ANTXR1: variants seen among roughly 807,000 people sequenced by gnomAD.
The protein encoded by ANTXR1 is anthrax toxin receptor 1.
ANTXR1 carries 19 observed loss-of-function variants against 78.1 expected under a neutral mutation model. The observed-to-expected ratio is 0.24, with a 90% CI of 0.17 to 0.36. The LOEUF (loss-of-function observed/expected upper bound fraction) is 0.36. Among genes scored for constraint, ANTXR1 ranks in the 10% least tolerant of loss-of-function variants. The pLI is 1.00. For synonymous variants in ANTXR1, 273 were observed against 260.5 expected, an observed-to-expected ratio of 1.05 and a Z score of -0.46; for missense variants, 518 against 718.6, an observed-to-expected ratio of 0.72 and a Z score of 3.19.
chr2:69,117,723 G>T (rs1672196446), intron 10 of ANTXR1, among the ~76,000 whole-genome samples: 1 of 152,176 alleles, frequency 6.6e-6, no homozygotes, highest in African/African-American at 2.4e-5. Flanking sequence ...ATGCTCAAGT[G>T]CTAAGTATCA....
At chr2:69,196,835 T>A (rs1046172540) in intron 17 of ANTXR1, among the ~76,000 whole-genome samples, 12 of 152,166 alleles carry the variant, frequency 7.9e-5, no homozygotes, top group Admixed American at 6.5e-4. Context: ...ACCTGGCAAA[T>A]TTTCCTCCTT....
rs372701153 is a variant in ANTXR1, at chr2:69,245,410, T to A, written c.1620T>A (p.Leu540=). 6.0e-5 allele frequency: 79 copies of A among 1,325,066 alleles called. No individual in the cohort carries two copies. The Middle Eastern group carries it at 7.3e-4, about 12-fold the overall frequency. 82.1% of individuals were successfully genotyped at this position (1,325,066 alleles called of 1,614,324 possible). A position where few individuals can be genotyped will look rare whatever the true frequency, so the allele number is the denominator to read the frequency against. Residue 540 remains leucine (L), a synonymous_variant, in exon 18 of 18, where the codon CTT becomes CTA. Transcript: ENST00000303714. ...CCATCCCGTCCCCACCTTCCACCCTTCCCCCTCCTCCCCAGGCTCCACCTC... is the reference window on the plus strand; with the variant it reads ...CCATCCCGTCCCCACCTTCCACCCTACCCCCTCCTCCCCAGGCTCCACCTC... ...TPPIPSPPST[L]PPPPQAPPPN... is the part of the protein sequence containing the mutation.
intron 12 of ANTXR1, among the ~76,000 whole-genome samples, chr2:69,150,433 T>G (rs1673360635): frequency 6.6e-6 from 1 of 152,206 alleles, no homozygotes; most frequent in South Asian, 2.1e-4. Flanking sequence ...TAAGAATCCC[T>G]GGGCCCAGTG....
At chr2:69,023,081 CA>C (rs1350673871) in intron 1 of ANTXR1, among the ~76,000 whole-genome samples, 1 of 152,224 alleles carries the variant, frequency 6.6e-6, no homozygotes, top group Non-Finnish European at 1.5e-5. Flanking sequence ...CAGGCATCTG[CA>C]GCTTTAAATA....
intron 12 of ANTXR1, among the ~76,000 whole-genome samples, chr2:69,133,310 T>A (rs1672812142): frequency 6.6e-6 from 1 of 152,184 alleles, no homozygotes; most frequent in Non-Finnish European, 1.5e-5. Context: ...GAGAACAGAA[T>A]CAGGACTCAC....
At chr2:69,182,396 A>G (rs967804690) in intron 15 of ANTXR1, 97 bp from the exon 16 acceptor site, 1 of 1,411,266 alleles carries the variant, frequency 7.1e-7, no homozygotes, top group African/African-American at 1.4e-5. Flanking sequence ...AGGGTTGGGT[A>G]GCATTCACAT....
intron 17 of ANTXR1, among the ~76,000 whole-genome samples, chr2:69,238,200 G>A (rs1487796764): frequency 6.6e-6 from 1 of 152,184 alleles, no homozygotes; most frequent in Non-Finnish European, 1.5e-5. Flanking sequence ...GATTGGTCTA[G>A]CTCAGCATAG....
intron 17 of ANTXR1, among the ~76,000 whole-genome samples, chr2:69,235,482 T>G (rs985247678): frequency 1.3e-5 from 2 of 151,792 alleles, no homozygotes; most frequent in African/African-American, 4.8e-5. Context: ...AAACCCTGTC[T>G]CTACCAAATA....
chr2:69,040,795 G>A (rs184079309), intron 2 of ANTXR1, among the ~76,000 whole-genome samples: 2 of 152,312 alleles, frequency 1.3e-5, no homozygotes, highest in Admixed American at 1.3e-4. Context: ...TAGAGTGCTT[G>A]AAGCAAGTTG....
chr2:69,196,172 T>A (rs1274957329), intron 17 of ANTXR1, among the ~76,000 whole-genome samples: 4 of 152,248 alleles, frequency 2.6e-5, no homozygotes, highest in Admixed American at 2.6e-4. Context: ...GCTGAAGATG[T>A]TCCATCTGTT....
intron 10 of ANTXR1, among the ~76,000 whole-genome samples, chr2:69,112,606 G>A (rs1283881160): frequency 6.6e-6 from 1 of 152,222 alleles, no homozygotes; most frequent in Non-Finnish European, 1.5e-5. Context: ...AAGATCAAGA[G>A]AAAAAGCCCC....
rs564092315 is a variant in ANTXR1 at position 69,231,727 on chromosome 2, G to A, written c.1435-13498G>A. Among the ~76,000 whole-genome samples, 143 of 152,168 alleles carry A rather than the reference G, an allele frequency of 9.4e-4. 1 individual carries two copies. Among genetic ancestry groups the A allele is most frequent in the South Asian group, 3.7e-3 (18 of 4,812 alleles). On this transcript the variant is annotated intron_variant, in intron 17 of 17. Coordinates refer to ENST00000303714, the MANE Select transcript of ANTXR1 (RefSeq NM_032208.3). Reference sequence around the variant, plus strand: ...AGAGGGCTTCTTCACTCCTTTGACCGCCTTCATTGTACCTCAACAGGCCTC... The same window carrying A: ...AGAGGGCTTCTTCACTCCTTTGACCACCTTCATTGTACCTCAACAGGCCTC...
Position 69,122,999 on chromosome 2 carries a change from G to T in ANTXR1, c.803-18G>T, listed in dbSNP as rs763591167. The T allele has an allele frequency of 8.1e-6, 13 of 1,612,838 alleles. No homozygotes were observed. The highest frequency in any genetic ancestry group is 1.0e-5 in the Non-Finnish European group (12 of 1,178,948). ...AACTCACCTCCCTCTTCTTAATCCAGTGATTTCCTTTTTGCAGATGAGAAG... is the reference window on the plus strand; with the variant it reads ...AACTCACCTCCCTCTTCTTAATCCATTGATTTCCTTTTTGCAGATGAGAAG... On this transcript the variant is annotated intron_variant, in intron 10 of 17. Transcript: ENST00000303714.
At chr2:69,021,873 C>A (rs1309739889) in intron 1 of ANTXR1, among the ~76,000 whole-genome samples, 1 of 152,200 alleles carries the variant, frequency 6.6e-6, no homozygotes, top group Non-Finnish European at 1.5e-5. Flanking sequence ...CAGCATTCAT[C>A]AACCTAGAAT....
chr2:69,077,594 A>G lies in ANTXR1; in HGVS notation c.642+106A>G, dbSNP rs940326357. 1.4e-5 allele frequency: 16 copies of G among 1,182,110 alleles called. No individual in the cohort carries two copies. In the African/African-American group the frequency reaches 2.4e-4, roughly 18 times the overall value. 73.2% of individuals were successfully genotyped at this position (1,182,110 alleles called of 1,614,324 possible). Reference sequence around the variant, plus strand: ...CTCAAAGCCTGGTGTTTTTCTGCTTAAGAGAACATCATTTCTTCCTATATC... The same window carrying G: ...CTCAAAGCCTGGTGTTTTTCTGCTTGAGAGAACATCATTTCTTCCTATATC... On this transcript the variant is annotated intron_variant, in intron 8 of 17. Coordinates refer to ENST00000303714, the MANE Select transcript of ANTXR1 (RefSeq NM_032208.3).
At chr2:69,149,685 A>G (rs1442047789) in intron 12 of ANTXR1, among the ~76,000 whole-genome samples, 1 of 152,222 alleles carries the variant, frequency 6.6e-6, no homozygotes, top group African/African-American at 2.4e-5. Context: ...CTGGAGAACT[A>G]GAGGGAGAGC....
intron 11 of ANTXR1, among the ~76,000 whole-genome samples, chr2:69,123,625 A>G (rs1460892139): frequency 6.6e-6 from 1 of 152,212 alleles, no homozygotes; most frequent in Non-Finnish European, 1.5e-5. Context: ...GACTCTGCGC[A>G]GCATCGGATG....
Position 69,226,287 on chromosome 2 carries a change from A to G in ANTXR1, c.1435-18938A>G, listed in dbSNP as rs147167840. On this transcript the variant is annotated intron_variant, in intron 17 of 17. Transcript: ENST00000303714. ...TTCTTTGGGTTCTCTGGCTGAATTC[A>G]CTCCAGGGCTGATCTCTGTGAGCAG... is the stretch of plus-strand genomic sequence containing the variant. Among the ~76,000 whole-genome samples, 98 of 152,044 alleles carry G rather than the reference A, an allele frequency of 6.4e-4. No homozygotes were observed. In the East Asian group the frequency reaches 0.018, roughly 27 times the overall value.
chr2:69,206,323 C>T (rs1176031646), intron 17 of ANTXR1, among the ~76,000 whole-genome samples: 6 of 152,180 alleles, frequency 3.9e-5, no homozygotes, highest in Non-Finnish European at 7.3e-5. Flanking sequence ...CATTTACTTT[C>T]CTGCTTATTA....
Sources: gnomAD v4.1 joint callset for allele counts (sites outside exome capture counted in the v4.1 genomes callset) on GRCh38, gnomAD v4.1.1 for gene constraint, MANE v1.5 for transcripts, NCBI Gene and HGNC (gene_info 2026-07-23, HGNC 2026-07-21) for gene names.